TTC12: variants seen among roughly 807,000 people sequenced by gnomAD.
The protein encoded by TTC12 is tetratricopeptide repeat protein 12.
Under a neutral mutation model 90.1 loss-of-function variants are expected in TTC12, and 70 were observed. That is an observed-to-expected ratio of 0.78 (90% CI 0.64 to 0.95). The LOEUF is 0.95. TTC12 is among the 40% of genes least tolerant of loss of function. The pLI is 0.00. For synonymous variants in TTC12, 296 were observed against 311.5 expected, an observed-to-expected ratio of 0.95 and a Z score of 0.53; for missense variants, 819 against 846.1, an observed-to-expected ratio of 0.97 and a Z score of 0.40.
chr11:113,335,152 A>G, intron 8 of TTC12, 115 bp downstream of exon 8: 1 of 792,594 alleles, frequency 1.3e-6, no homozygotes, highest in Non-Finnish European at 2.0e-6. Context: ...ATCCTTTAGT[A>G]TTTTCCAAGG....
rs1427448918 is a variant in TTC12, at chr11:113,364,939, T to C, written c.1921T>C (p.Ser641Pro). ...CATGGAGGTGCCCAACGTTGCGTCT[T>C]CCCTGCTAAAGACGGACCTTTTGCA... Reference protein sequence around the residue: ...NCMEVPNVASSLLKTDLLQVL... With the variant: ...NCMEVPNVASPLLKTDLLQVL... Residue 641 changes from serine to proline, a missense_variant, in exon 21 of 22, where the codon TCC (serine) becomes CCC (proline). Coordinates refer to ENST00000529221, the MANE Select transcript of TTC12 (RefSeq NM_017868.4). 1.5e-5 allele frequency: 25 copies of C among 1,614,052 alleles called. No homozygotes were observed. The highest frequency in any genetic ancestry group is 3.3e-5 in the Admixed American group (2 of 60,006).
intron 7 of TTC12, among the ~76,000 whole-genome samples, 199 bp downstream of exon 7, chr11:113,330,178 C>G (rs1287787902): frequency 2.0e-5 from 3 of 152,198 alleles, no homozygotes; most frequent in Non-Finnish European, 4.4e-5. Flanking sequence ...GAAAGCAATC[C>G]AGGGAGCTGC....
chr11:113,360,015 T>G lies in TTC12; in HGVS notation c.1614+7T>G, dbSNP rs1949831278. 1 of 1,576,570 alleles carries G rather than the reference T, an allele frequency of 6.3e-7. No individual in the cohort carries two copies. The highest frequency in any genetic ancestry group is 1.2e-5 in the South Asian group (1 of 85,960). ...GGATGGAGGAATCCTGACAGTAAGT[T>G]TCTCCCAGGGAAATCCAGAAGCAGC... is the stretch of plus-strand genomic sequence containing the variant. On this transcript the variant is annotated splice_region_variant and intron_variant, in intron 18 of 21. Coordinates refer to ENST00000529221, the MANE Select transcript of TTC12 (RefSeq NM_017868.4).
chr11:113,360,959 C>A (rs1233182102), intron 18 of TTC12, among the ~76,000 whole-genome samples: 2 of 152,196 alleles, frequency 1.3e-5, no homozygotes, highest in Non-Finnish European at 2.9e-5. Flanking sequence ...TGGTAAGCAC[C>A]ACCGTTTCCG....
chr11:113,368,452 G>C (rs775443831), downstream of TTC12: 7 of 1,550,342 alleles, frequency 4.5e-6, no homozygotes, highest in Non-Finnish European at 6.1e-6. Flanking sequence ...TTGGAGACAC[G>C]GCTTGTTCCA....
Position 113,356,255 on chromosome 11 carries a change from T to G in TTC12, c.1447-3108T>G, listed in dbSNP as rs368893899. ...AGCCTGTTTCATCTAAAACTAGGAT[T>G]GCAACGCCTGCTTTTTTTCTGTTTT... On this transcript the variant is annotated intron_variant, in intron 16 of 21. Coordinates refer to ENST00000529221, the MANE Select transcript of TTC12 (RefSeq NM_017868.4). Among the ~76,000 whole-genome samples the G allele has an allele frequency of 3.9e-5, 6 of 152,362 alleles. No individual in the cohort carries two copies. In the East Asian group the frequency reaches 1.2e-3, roughly 29 times the overall value.
At chr11:113,368,474 T>A (rs561619119), downstream of TTC12, 4 of 1,549,578 alleles carry the variant, frequency 2.6e-6, no homozygotes, top group South Asian at 4.8e-5. Flanking sequence ...GTAATCAGAG[T>A]CTTCTGGTTC....
In TTC12 at chr11:113,325,742, A is replaced by G. The variant is rs535128801; in HGVS notation, c.444+97A>G. ...ATGAGGCTAGATGTTGGGCTGGGAA[A>G]TGTTTATAAGAACTGGCTCTTGTTT... On this transcript the variant is annotated intron_variant, in intron 6 of 21. Coordinates refer to ENST00000529221, the MANE Select transcript of TTC12 (RefSeq NM_017868.4). The G allele has an allele frequency of 7.3e-6, 11 of 1,511,298 alleles. No individual in the cohort carries two copies. In the South Asian group the frequency reaches 1.2e-4, roughly 17 times the overall value. 93.6% of individuals were successfully genotyped at this position (1,511,298 alleles called of 1,614,324 possible).
At chr11:113,371,836 G>T (rs1329551801) in intron 21 of TTC12, among the ~76,000 whole-genome samples, 1 of 152,180 alleles carries the variant, frequency 6.6e-6, no homozygotes, top group Non-Finnish European at 1.5e-5. Flanking sequence ...GGCAATAGGG[G>T]AGATATGATA....
At chr11:113,359,025 C>T (rs1406318384) in intron 16 of TTC12, among the ~76,000 whole-genome samples, 2 of 151,938 alleles carry the variant, frequency 1.3e-5, no homozygotes, top group East Asian at 3.9e-4. Context: ...AGCTGTTCCA[C>T]CTGGCTGTAT....
At chr11:113,315,491 A>C (rs1028648271) in intron 1 of TTC12, among the ~76,000 whole-genome samples, 1 of 152,186 alleles carries the variant, frequency 6.6e-6, no homozygotes, top group Admixed American at 6.5e-5. Flanking sequence ...AGTGTTTAAA[A>C]TCTATATTCG....
chr11:113,325,112 A>G (rs1465756111), intron 5 of TTC12, among the ~76,000 whole-genome samples: 3 of 152,170 alleles, frequency 2.0e-5, no homozygotes, highest in African/African-American at 4.8e-5. Context: ...GCAGGGAGAT[A>G]CATATGATAG....
At chr11:113,317,188 A>G (rs1265772123) in intron 2 of TTC12, among the ~76,000 whole-genome samples, 2 of 152,222 alleles carry the variant, frequency 1.3e-5, no homozygotes, top group Admixed American at 6.5e-5. Context: ...CCCCACATCT[A>G]CATGGACACT....
At chr11:113,364,662 G>T (rs1460324267) in intron 20 of TTC12, 173 bp from the exon 21 acceptor site, 10 of 621,492 alleles carry the variant, frequency 1.6e-5, no homozygotes, top group African/African-American at 1.1e-4. Context: ...AGTTGAGGAG[G>T]TTCATATGCA....
chr11:113,342,061 A>C, intron 12 of TTC12, 136 bp downstream of exon 12: 1 of 731,642 alleles, frequency 1.4e-6, no homozygotes, highest in South Asian at 1.6e-5. Context: ...CACTCCCTCC[A>C]GGAAAGCTTA....
chr11:113,370,703 A>G (rs971224699), downstream of TTC12, among the ~76,000 whole-genome samples: 5 of 152,196 alleles, frequency 3.3e-5, no homozygotes, highest in African/African-American at 1.2e-4. Context: ...AGCAGGGAAC[A>G]GTGGGCTGCC....
At position 113,352,211 on chromosome 11, in the gene TTC12, T is replaced by C. The variant is rs781796396; in HGVS notation, c.1446+4T>C. ...GGATGGCTGCTTGAGCCTCCTGGTA[T>C]GTTAGCTTTTCTATTCAAAATTGGT... On this transcript the variant is annotated splice_donor_region_variant and intron_variant, in intron 16 of 21. Coordinates refer to ENST00000529221, the MANE Select transcript of TTC12 (RefSeq NM_017868.4). The C allele has an allele frequency of 1.2e-6, 2 of 1,614,168 alleles. No individual in the cohort carries two copies. Among genetic ancestry groups the C allele is most frequent in the South Asian group, 1.1e-5 (1 of 91,082 alleles).
chr11:113,351,199 G>A (rs782666180), intron 14 of TTC12, 40 bp from the exon 15 acceptor site: 3 of 1,577,474 alleles, frequency 1.9e-6, no homozygotes, highest in Non-Finnish European at 2.6e-6. Flanking sequence ...TATAGTTTAT[G>A]CAATGTAAAA....
At chr11:113,353,720 A>C (rs1321967908) in intron 16 of TTC12, among the ~76,000 whole-genome samples, 1 of 152,160 alleles carries the variant, frequency 6.6e-6, no homozygotes, top group Non-Finnish European at 1.5e-5. Context: ...TGAATAGGGA[A>C]TCCTTTCCCC....
Sources: allele counts gnomAD v4.1 joint callset (sites outside exome capture counted in the v4.1 genomes callset), GRCh38; gene constraint gnomAD v4.1.1; transcripts MANE v1.5; gene names NCBI Gene and HGNC (gene_info 2026-07-23, HGNC 2026-07-21).